The following NTM variants were observed in gnomAD, a reference collection of about 807,000 sequenced individuals.
The protein encoded by NTM is neurotrimin.
In NTM, 13 loss-of-function variants were observed where a neutral mutation model predicts 42.1. That is an observed-to-expected ratio of 0.31 (90% CI 0.20 to 0.49). The LOEUF (loss-of-function observed/expected upper bound fraction) is 0.49, where lower values mean the gene tolerates loss of function less well. Ranked by LOEUF, NTM falls within the 20% of genes least tolerant of loss-of-function variation. NTM has a pLI of 0.99. For missense variants in NTM, 373 were observed against 452.8 expected (o/e 0.82, Z 1.60); for synonymous variants, 187 against 179.2 (o/e 1.04, Z -0.35).
intron 1 of NTM, among the ~76,000 whole-genome samples, chr11:131,736,218 C>T (rs1021813987): frequency 2.0e-5 from 3 of 152,148 alleles, no homozygotes; most frequent in African/African-American, 7.2e-5. Flanking sequence ...CTCCCCGAAC[C>T]TTCTACAGCT....
intron 2 of NTM, among the ~76,000 whole-genome samples, chr11:131,976,773 G>A (rs2064448121): frequency 1.3e-5 from 2 of 152,152 alleles, no homozygotes; most frequent in Admixed American, 1.3e-4. Flanking sequence ...AAAACAAGAG[G>A]GTGAGTAGTA....
chr11:131,473,115 G>A (rs1297721414), intron 1 of NTM, among the ~76,000 whole-genome samples: 1 of 152,104 alleles, frequency 6.6e-6, no homozygotes, highest in Admixed American at 6.5e-5. Flanking sequence ...CATTTAATAA[G>A]ATACTTGCAC....
At chr11:131,767,761 G>C (rs2085345527) in intron 1 of NTM, among the ~76,000 whole-genome samples, 2 of 152,162 alleles carry the variant, frequency 1.3e-5, no homozygotes, top group Admixed American at 6.5e-5. Context: ...CCTTTTTGCT[G>C]AACCAGACCC....
intron 1 of NTM, among the ~76,000 whole-genome samples, chr11:131,893,452 A>T (rs1218113076): frequency 6.6e-6 from 1 of 152,162 alleles, no homozygotes; most frequent in Non-Finnish European, 1.5e-5. Flanking sequence ...GAAGTACCCT[A>T]GTGCTTCTAG....
chr11:132,236,343 G>GT (rs1489827939), intron 4 of NTM, among the ~76,000 whole-genome samples: 1 of 152,030 alleles, frequency 6.6e-6, no homozygotes, highest in Non-Finnish European at 1.5e-5. Context: ...AGCTCATATC[G>GT]TATCTATAGA....
In NTM at chr11:132,146,445, G is replaced by A. The variant is rs2070432223; in HGVS notation, c.331G>A (p.Gly111Ser). The A allele has an allele frequency of 6.2e-7, 1 of 1,613,990 alleles. No homozygotes were observed. ...CCAGAACGTGGATGTGTATGACGAG[G>A]GCCCTTACACCTGCTCGGTGCAGAC... is the stretch of plus-strand genomic sequence containing the variant. The part of the protein sequence containing the change: ...EIQNVDVYDE[G>S]PYTCSVQTDN... The change falls in exon 3 of 9, where the codon GGC (glycine) becomes AGC (serine). Residue 111 changes from glycine to serine, a missense_variant. By Grantham distance (56) the Gly-to-Ser change is moderately conservative. Around this residue, in one of 3 missense-constraint regions of NTM, gnomAD observed 312 missense variants for 353.5 expected, o/e 0.88. Coordinates refer to ENST00000683400, the MANE Select transcript of NTM (RefSeq NM_001352005.2). This position sits in a 1 kb window ranked among gnomAD's most constrained non-coding sequence, Gnocchi z 4.5.
At chr11:131,832,242 T>C (rs1713073253) in intron 1 of NTM, among the ~76,000 whole-genome samples, 2 of 151,244 alleles carry the variant, frequency 1.3e-5, no homozygotes, top group Admixed American at 1.3e-4. Flanking sequence ...CTCTTCTCAC[T>C]CATGGGTTCA....
At chr11:131,968,261 T>A (rs1306211098) in intron 2 of NTM, among the ~76,000 whole-genome samples, 2 of 152,080 alleles carry the variant, frequency 1.3e-5, no homozygotes, top group Non-Finnish European at 2.9e-5. Flanking sequence ...GAACCAAGAA[T>A]CAAACCAATT....
At position 131,471,142 on chromosome 11, in the gene NTM, G is replaced by C. The variant is rs569813901; in HGVS notation, c.82+100254G>C. On this transcript the variant is annotated intron_variant, in intron 1 of 8. Transcript: ENST00000683400. ...GACATGTTATTCATACATGAGTATT[G>C]TCAGCTCTTACTAACTCAGACTGGG... is the stretch of plus-strand genomic sequence containing the variant. Among the ~76,000 whole-genome samples the C allele has an allele frequency of 5.3e-5, 8 of 152,294 alleles. No individual in the cohort carries two copies. The South Asian group carries it at 1.5e-3, about 28-fold the overall frequency.
intron 1 of NTM, among the ~76,000 whole-genome samples, chr11:131,375,216 G>C (rs1389818263): frequency 6.6e-6 from 1 of 152,114 alleles, no homozygotes; most frequent in Non-Finnish European, 1.5e-5. Context: ...CTGCCCACCA[G>C]GCCGGGGAGC....
chr11:132,105,147 C>T (rs1025006777), intron 2 of NTM, among the ~76,000 whole-genome samples: 2 of 151,060 alleles, frequency 1.3e-5, no homozygotes, highest in East Asian at 2.0e-4. Context: ...CATCACTTTC[C>T]TCCCAGTGGG....
intron 2 of NTM, among the ~76,000 whole-genome samples, chr11:131,981,738 C>CGGT (rs2065266134): frequency 6.6e-6 from 1 of 151,970 alleles, no homozygotes; most frequent in Admixed American, 6.6e-5. Flanking sequence ...AGGCCTGGTG[C>CGGT]GGTGGCTTAT....
At chr11:131,909,190 T>G (rs946368053) in intron 1 of NTM, among the ~76,000 whole-genome samples, 1 of 152,218 alleles carries the variant, frequency 6.6e-6, no homozygotes, top group Non-Finnish European at 1.5e-5. Context: ...GTCTTAGTCT[T>G]TCTTTGTTAC....
At chr11:131,948,015 C>A (rs2060532109) in intron 2 of NTM, among the ~76,000 whole-genome samples, 1 of 152,044 alleles carries the variant, frequency 6.6e-6, no homozygotes, top group South Asian at 2.1e-4. Context: ...GCAATGCTAT[C>A]TTTGTCCATA....
At chr11:131,838,761 C>A (rs765928028) in intron 1 of NTM, among the ~76,000 whole-genome samples, 1 of 152,080 alleles carries the variant, frequency 6.6e-6, no homozygotes, top group South Asian at 2.1e-4. Context: ...AGAATATAAA[C>A]TATAGAATAA....
chr11:131,671,369 C>A, intron 1 of NTM: 2 of 940,620 alleles, frequency 2.1e-6, no homozygotes, highest in Non-Finnish European at 1.3e-6. Flanking sequence ...TATGGAAGGC[C>A]AGGGACACCT....
chr11:131,434,569 T>C (rs1042569960), intron 1 of NTM, among the ~76,000 whole-genome samples: 4 of 152,246 alleles, frequency 2.6e-5, no homozygotes, highest in African/African-American at 7.2e-5. Flanking sequence ...ATGTGTTTGT[T>C]GACTGCATAA....
chr11:132,215,386 T>C (rs560169880), intron 4 of NTM, among the ~76,000 whole-genome samples: 2 of 152,360 alleles, frequency 1.3e-5, no homozygotes, highest in South Asian at 4.1e-4. Flanking sequence ...TTATCACTTA[T>C]GTGGTGCTGC....
chr11:131,549,497 A>T (rs1407708167), intron 1 of NTM, among the ~76,000 whole-genome samples: 1 of 152,200 alleles, frequency 6.6e-6, no homozygotes, highest in African/African-American at 2.4e-5. Context: ...CACTAAACTA[A>T]ATCTTTCATA....
Sources: gnomAD v4.1 joint callset for allele counts (sites outside exome capture counted in the v4.1 genomes callset) on GRCh38, gnomAD v4.1.1 for gene constraint, gnomAD v4.1.1 regional missense constraint, Gnocchi (gnomAD v3.1) non-coding constraint, MANE v1.5 for transcripts, NCBI Gene and HGNC (gene_info 2026-07-23, HGNC 2026-07-21) for gene names.